The following SOX6 variants were observed in gnomAD, a reference collection of about 807,000 sequenced individuals.
The protein encoded by SOX6 is SRY-box transcription factor 6, also known as transcription factor SOX-6.
A neutral mutation model predicts 97.8 loss-of-function variants in SOX6; 11 were observed. The observed-to-expected ratio is 0.11, with a 90% CI of 0.07 to 0.19. The LOEUF (loss-of-function observed/expected upper bound fraction) is 0.19, where lower values mean the gene tolerates loss of function less well. SOX6 is among the 10% of genes least tolerant of loss of function. SOX6 has a pLI of 1.00. For missense variants in SOX6, 810 were observed against 1,039.5 expected, an observed-to-expected ratio of 0.78 and a Z score of 3.04; for synonymous variants, 360 against 371.4, an observed-to-expected ratio of 0.97 and a Z score of 0.35.
chr11:16,551,173 C>T (rs181555583), intron 4 of SOX6, among the ~76,000 whole-genome samples: 78 of 152,064 alleles, frequency 5.1e-4, no homozygotes, highest in Non-Finnish European at 6.3e-4. Context: ...TAGTGAGACA[C>T]CATCTTTAAA....
At chr11:16,043,257 G>T (rs1368189245) in intron 12 of SOX6, among the ~76,000 whole-genome samples, 5 of 152,128 alleles carry the variant, frequency 3.3e-5, no homozygotes, top group Non-Finnish European at 7.4e-5. Context: ...GAAGATGGCT[G>T]GTGTTCTTTG....
At chr11:16,426,899 G>T (rs1279200721) in intron 1 of SOX6, among the ~76,000 whole-genome samples, 1 of 121,756 alleles carries the variant, frequency 8.2e-6, no homozygotes, top group Non-Finnish European at 1.7e-5. Flanking sequence ...GGGCGACAGA[G>T]CGAGACTCCG....
chr11:16,097,061 A>T (rs1848815687), intron 8 of SOX6, among the ~76,000 whole-genome samples: 1 of 151,836 alleles, frequency 6.6e-6, no homozygotes, highest in Non-Finnish European at 1.5e-5. Flanking sequence ...GTTTAGCTTT[A>T]TAAATAAGAA....
intron 3 of SOX6, among the ~76,000 whole-genome samples, chr11:16,714,451 C>CTTTTTTTTTTTTTTTTTTTTTTTT (rs761435639): frequency 8.6e-6 from 1 of 116,390 alleles, no homozygotes; most frequent in African/African-American, 3.2e-5. Context: ...AATTTTCTTT[C>CTTTTTTTTTTTTTTTTTTTTTTTT]TTTTTTTTTT....
chr11:16,520,818 G>C (rs924434218), intron 4 of SOX6, among the ~76,000 whole-genome samples: 11 of 152,222 alleles, frequency 7.2e-5, no homozygotes, highest in Admixed American at 1.3e-4. Context: ...GGCACACCAG[G>C]AGATTATATC....
intron 1 of SOX6, among the ~76,000 whole-genome samples, chr11:16,367,270 A>C (rs182485780): frequency 6.6e-6 from 1 of 152,278 alleles, no homozygotes; most frequent in Non-Finnish European, 1.5e-5. Flanking sequence ...TTTCAGGCTT[A>C]ATATATCTTC....
Position 16,607,035 on chromosome 11 carries a change from TC to T in SOX6, n.609+5045del, listed in dbSNP as rs1848342403. 1 of 149,018 alleles carries T rather than the reference TC, an allele frequency of 6.7e-6. No homozygotes were observed. Among genetic ancestry groups the T allele is most frequent in the Non-Finnish European group, 1.5e-5 (1 of 67,318 alleles). 9.2% of individuals were successfully genotyped at this position (149,018 alleles called of 1,614,324 possible). A position where few individuals can be genotyped will look rare whatever the true frequency, so the allele number is the denominator to read the frequency against. ...TCCCGCTCCTCCTCCTCCTTTCCCCTCCCCAGCCAAGTACGCAAACCCGCCC... is the reference window on the plus strand; with the variant it reads ...TCCCGCTCCTCCTCCTCCTTTCCCCTCCCAGCCAAGTACGCAAACCCGCCC... On this transcript the variant is annotated intron_variant and non_coding_transcript_variant, in intron 4 of 5. Transcript: ENST00000524520. This position sits in a 1 kb window ranked among gnomAD's most constrained non-coding sequence, Gnocchi z 6.5.
chr11:16,026,898 G>T (rs1038224895), intron 12 of SOX6, among the ~76,000 whole-genome samples: 1 of 152,048 alleles, frequency 6.6e-6, no homozygotes, highest in South Asian at 2.1e-4. Context: ...ATTTAGAAAC[G>T]CTTTTCAAAA....
At position 16,044,966 on chromosome 11, in the gene SOX6, G is replaced by GTCTATCTA. The variant is rs67426027; in HGVS notation, c.1623+1540_1623+1547dup. Among the ~76,000 whole-genome samples, 749 of 151,272 alleles carry GTCTATCTA rather than the reference G, an allele frequency of 5.0e-3. 5 individuals carry two copies. Among genetic ancestry groups the GTCTATCTA allele is most frequent in the African/African-American group, 0.015 (624 of 41,122 alleles). ...TATCTATCTATCTATCTGTCTATCT[G>GTCTATCTA]TCTATCTATCTATCTATCTATCTAT... On this transcript the variant is annotated intron_variant, in intron 12 of 15. Transcript: ENST00000683767.
At chr11:16,261,881 G>T (rs889127425) in intron 3 of SOX6, among the ~76,000 whole-genome samples, 2 of 152,040 alleles carry the variant, frequency 1.3e-5, no homozygotes, top group Non-Finnish European at 2.9e-5. Flanking sequence ...AGGAAAAAAT[G>T]TTGCAGCACC....
At chr11:16,249,903 A>G (rs1326061012) in intron 3 of SOX6, among the ~76,000 whole-genome samples, 1 of 152,206 alleles carries the variant, frequency 6.6e-6, no homozygotes, top group African/African-American at 2.4e-5. Flanking sequence ...TATGGCCAGA[A>G]GCAGAAGTAG....
chr11:16,521,737 T>A (rs1482930635), intron 4 of SOX6, among the ~76,000 whole-genome samples: 1 of 151,830 alleles, frequency 6.6e-6, no homozygotes, highest in Non-Finnish European at 1.5e-5. Flanking sequence ...TTGAAAAAAA[T>A]TTAGACGAAT....
intron 7 of SOX6, among the ~76,000 whole-genome samples, chr11:16,102,556 G>T (rs1315680072): frequency 6.6e-6 from 1 of 151,638 alleles, no homozygotes; most frequent in African/African-American, 2.4e-5. Context: ...ACCAAAATGA[G>T]CCTGCATAGC....
intron 6 of SOX6, among the ~76,000 whole-genome samples, chr11:16,156,834 G>T (rs1315955175): frequency 1.3e-5 from 2 of 151,916 alleles, no homozygotes; most frequent in Non-Finnish European, 2.9e-5. Flanking sequence ...AGGCCTCTCT[G>T]AGCTCTATAA....
At chr11:16,587,478 A>C (rs56965201) in intron 4 of SOX6, among the ~76,000 whole-genome samples, 1 of 152,072 alleles carries the variant, frequency 6.6e-6, no homozygotes, top group African/African-American at 2.4e-5. Flanking sequence ...TATAGGTACT[A>C]TTATTATCAC....
intron 4 of SOX6, among the ~76,000 whole-genome samples, chr11:16,498,280 G>C (rs1432783278): frequency 1.3e-5 from 2 of 152,242 alleles, no homozygotes; most frequent in South Asian, 2.1e-4. Flanking sequence ...TCACCACCAG[G>C]CCTGCCCTAA....
At chr11:16,211,656 AG>A (rs1565023002) in intron 4 of SOX6, among the ~76,000 whole-genome samples, 1 of 152,140 alleles carries the variant, frequency 6.6e-6, no homozygotes, top group Non-Finnish European at 1.5e-5. Context: ...ACCAGTCTAT[AG>A]CAATCTGGCA....
Position 16,700,103 on chromosome 11 carries a change from A to T in SOX6, n.429+14727T>A, listed in dbSNP as rs746227894. ...ATCACTACTATGATACATGATACAA[A>T]GAAATGGTACTCTTGGCTAAAATGA... is the stretch of plus-strand genomic sequence containing the variant. On this transcript the variant is annotated intron_variant and non_coding_transcript_variant, in intron 3 of 5. Transcript: ENST00000524520. 5.9e-5 allele frequency among the ~76,000 whole-genome samples: 9 copies of T among 152,200 alleles called. 1 individual carries two copies. Among genetic ancestry groups the T allele is most frequent in the Non-Finnish European group, 1.2e-4 (8 of 68,042 alleles).
At chr11:16,456,388 T>C (rs1430881873) in intron 1 of SOX6, among the ~76,000 whole-genome samples, 1 of 152,152 alleles carries the variant, frequency 6.6e-6, no homozygotes, top group African/African-American at 2.4e-5. Flanking sequence ...CATCAGAACT[T>C]AGTCTTGCAA....
Sources: gnomAD v4.1 joint callset for allele counts (sites outside exome capture counted in the v4.1 genomes callset) on GRCh38, gnomAD v4.1.1 for gene constraint, Gnocchi (gnomAD v3.1) non-coding constraint, MANE v1.5 for transcripts, NCBI Gene and HGNC (gene_info 2026-07-23, HGNC 2026-07-21) for gene names.